The following ANTXR1 variants were observed in gnomAD, a reference collection of about 807,000 sequenced individuals.
The protein encoded by ANTXR1 is anthrax toxin receptor 1.
Under a neutral mutation model 78.1 loss-of-function variants are expected in ANTXR1, and 19 were observed. The observed-to-expected ratio is 0.24, with a 90% confidence interval of 0.17 to 0.36. The LOEUF is 0.36. Ranked by LOEUF, ANTXR1 falls within the 10% of genes least tolerant of loss-of-function variation. The pLI, the probability that ANTXR1 is intolerant of heterozygous loss-of-function variation, is 1.00. For synonymous variants in ANTXR1, 273 were observed against 260.5 expected, an observed-to-expected ratio of 1.05 and a Z score of -0.46; for missense variants, 518 against 718.6, an observed-to-expected ratio of 0.72 and a Z score of 3.19.
intron 17 of ANTXR1, among the ~76,000 whole-genome samples, chr2:69,203,166 C>T (rs1674815790): frequency 6.6e-6 from 1 of 152,172 alleles, no homozygotes; most frequent in African/African-American, 2.4e-5. Flanking sequence ...CCCAACAGAT[C>T]TGGAGGGAAA....
intron 9 of ANTXR1, among the ~76,000 whole-genome samples, chr2:69,096,399 A>C (rs1000398183): frequency 7.0e-6 from 1 of 142,402 alleles, no homozygotes; most frequent in African/African-American, 2.6e-5. Context: ...GAAGGAAGGA[A>C]GGAAGGAAAT....
rs1436490623 is a variant in ANTXR1 at position 69,227,590 on chromosome 2, CT to C, written c.1435-17627del. ...AATAATACAAGCTTCAACTATCGAA[CT>C]TTTTTTTCCCCTCTCACATATAACT... On this transcript the variant is annotated intron_variant, in intron 17 of 17. Transcript: ENST00000303714. 3.3e-5 allele frequency among the ~76,000 whole-genome samples: 5 copies of C among 152,222 alleles called. No homozygotes were observed. The East Asian group carries it at 7.7e-4, about 24-fold the overall frequency.
chr2:69,169,215 C>A (rs1673909793), intron 13 of ANTXR1, among the ~76,000 whole-genome samples: 1 of 152,226 alleles, frequency 6.6e-6, no homozygotes, highest in Admixed American at 6.5e-5. Flanking sequence ...TGCCCGAGCA[C>A]CCAACTACAA....
chr2:69,129,665 C>T lies in ANTXR1; in HGVS notation c.951+5022C>T, dbSNP rs1271470490. 2.6e-5 allele frequency among the ~76,000 whole-genome samples: 4 copies of T among 151,724 alleles called. No individual in the cohort carries two copies. In the East Asian group the frequency reaches 5.8e-4, roughly 22 times the overall value. On this transcript the variant is annotated intron_variant, in intron 12 of 17. Transcript: ENST00000303714. Reference sequence around the variant, plus strand: ...ACTCAGGAGGCTGAGGCAGGAGAATCGCTTGAACCTGGGAGGCAGAGGTTA... The same window carrying T: ...ACTCAGGAGGCTGAGGCAGGAGAATTGCTTGAACCTGGGAGGCAGAGGTTA...
At chr2:69,219,176 G>A (rs1480935498) in intron 17 of ANTXR1, among the ~76,000 whole-genome samples, 1 of 152,158 alleles carries the variant, frequency 6.6e-6, no homozygotes, top group African/African-American at 2.4e-5. Context: ...CCAGGTCCCT[G>A]GGTTCTGGTG....
rs543010811 is a variant in ANTXR1 at position 69,119,461 on chromosome 2, T to A, written c.803-3556T>A. Among the ~76,000 whole-genome samples, 9 of 152,310 alleles carry A rather than the reference T, an allele frequency of 5.9e-5. No individual in the cohort carries two copies. In the East Asian group the frequency reaches 1.7e-3, roughly 29 times the overall value. On this transcript the variant is annotated intron_variant, in intron 10 of 17. Transcript: ENST00000303714. ...AGCCATGGCCACGAGGAAATAAATATAGGTTCGAGTCAGCCACGCCTGTCC... is the reference window on the plus strand; with the variant it reads ...AGCCATGGCCACGAGGAAATAAATAAAGGTTCGAGTCAGCCACGCCTGTCC...
chr2:69,144,335 GTT>G (rs985698477), intron 12 of ANTXR1, among the ~76,000 whole-genome samples: 2 of 152,198 alleles, frequency 1.3e-5, no homozygotes, highest in African/African-American at 4.8e-5. Flanking sequence ...GATCTCTGCT[GTT>G]TCTCTCTCAC....
chr2:69,047,547 T>G (rs1233070872), intron 3 of ANTXR1, among the ~76,000 whole-genome samples: 1 of 152,178 alleles, frequency 6.6e-6, no homozygotes. Flanking sequence ...GGCATGGTTT[T>G]CCTTCAGGGT....
chr2:69,055,018 G>A (rs1670029885), intron 3 of ANTXR1, among the ~76,000 whole-genome samples: 6 of 152,116 alleles, frequency 3.9e-5, no homozygotes, highest in Non-Finnish European at 7.4e-5. Flanking sequence ...TAAAGTGAAT[G>A]CAATGATGAC....
At chr2:69,224,624 C>T (rs1274888211) in intron 17 of ANTXR1, among the ~76,000 whole-genome samples, 1 of 151,990 alleles carries the variant, frequency 6.6e-6, no homozygotes, top group East Asian at 1.9e-4. Context: ...CTCTCTTGAC[C>T]AGAGCATAAA....
intron 17 of ANTXR1, among the ~76,000 whole-genome samples, chr2:69,235,342 G>T (rs909836714): frequency 6.6e-6 from 1 of 151,930 alleles, no homozygotes; most frequent in African/African-American, 2.4e-5. Context: ...GCCTTTCTAA[G>T]GGATATGAAA....
chr2:69,170,160 C>G (rs1487497928), intron 13 of ANTXR1, 88 bp from the exon 14 acceptor site: 18 of 1,444,016 alleles, frequency 1.2e-5, no homozygotes. Context: ...ATTATGGCAG[C>G]ACCACCACGG....
At chr2:69,130,894 A>C (rs1282276120) in intron 12 of ANTXR1, among the ~76,000 whole-genome samples, 1 of 152,234 alleles carries the variant, frequency 6.6e-6, no homozygotes, top group African/African-American at 2.4e-5. Context: ...ACTAGGAAGA[A>C]AAACACCAGT....
At chr2:69,128,469 A>G (rs576459956) in intron 12 of ANTXR1, among the ~76,000 whole-genome samples, 1 of 152,306 alleles carries the variant, frequency 6.6e-6, no homozygotes, top group Admixed American at 6.5e-5. Context: ...TCTTTAATTC[A>G]GAGTCTCATT....
chr2:69,208,554 T>C (rs756181928), intron 17 of ANTXR1, among the ~76,000 whole-genome samples: 10 of 152,244 alleles, frequency 6.6e-5, no homozygotes, highest in Non-Finnish European at 1.2e-4. Flanking sequence ...TAAGATATAT[T>C]AGTAAAGTTA....
intron 17 of ANTXR1, among the ~76,000 whole-genome samples, chr2:69,214,232 T>C (rs945985489): frequency 5.9e-5 from 9 of 152,246 alleles, no homozygotes; most frequent in Admixed American, 2.0e-4. Context: ...TTCCCTGGCC[T>C]GCAAGCTGTA....
At chr2:69,180,655 A>G (rs1350821846) in intron 14 of ANTXR1, among the ~76,000 whole-genome samples, 1 of 152,242 alleles carries the variant, frequency 6.6e-6, no homozygotes, top group Non-Finnish European at 1.5e-5. Context: ...ATTCTTGGGC[A>G]CCCACCACAT....
chr2:69,129,899 GA>G (rs1222765705), intron 12 of ANTXR1, among the ~76,000 whole-genome samples: 5 of 152,312 alleles, frequency 3.3e-5, no homozygotes, highest in Non-Finnish European at 7.3e-5. Context: ...TGAGTGATTT[GA>G]AACGTAGTAA....
intron 10 of ANTXR1, among the ~76,000 whole-genome samples, chr2:69,121,025 C>A (rs888532853): frequency 6.6e-6 from 1 of 152,196 alleles, no homozygotes; most frequent in Non-Finnish European, 1.5e-5. Context: ...GCAGTGCCTC[C>A]CCCTCTCCCA....
Sources: gnomAD v4.1 joint callset for allele counts (sites outside exome capture counted in the v4.1 genomes callset) on GRCh38, gnomAD v4.1.1 for gene constraint, MANE v1.5 for transcripts, NCBI Gene and HGNC (gene_info 2026-07-23, HGNC 2026-07-21) for gene names.